Variants in TSHZ2 observed in about 807,000 individuals in gnomAD.
TSHZ2 encodes the protein teashirt zinc finger homeobox 2.
Under a neutral mutation model 74.4 loss-of-function variants are expected in TSHZ2, and 21 were observed. The ratio of observed to expected loss-of-function variants is 0.28; its 90% confidence interval spans 0.20 to 0.41. The LOEUF is 0.41. Ranked by LOEUF, TSHZ2 falls within the 10% of genes least tolerant of loss-of-function variation. The pLI, the probability that TSHZ2 is intolerant of heterozygous loss-of-function variation, is 1.00. For synonymous variants in TSHZ2, 540 were observed against 515.3 expected, an observed-to-expected ratio of 1.05 and a Z score of -0.65; for missense variants, 1,244 against 1,293.5, an observed-to-expected ratio of 0.96 and a Z score of 0.59.
intron 2 of TSHZ2, among the ~76,000 whole-genome samples, chr20:53,472,513 G>T (rs1255659829): frequency 6.6e-6 from 1 of 152,030 alleles, no homozygotes; most frequent in African/African-American, 2.4e-5. Flanking sequence ...TGAAGTAGTT[G>T]TGAGATCTTC....
chr20:53,046,377 G>T (rs952405998), intron 1 of TSHZ2, among the ~76,000 whole-genome samples: 11 of 152,140 alleles, frequency 7.2e-5, no homozygotes, highest in Non-Finnish European at 1.5e-4. Flanking sequence ...CTCGATGGTG[G>T]CTAGCAAAAG....
At chr20:53,320,155 C>T (rs1424575843) in intron 2 of TSHZ2, among the ~76,000 whole-genome samples, 1 of 152,212 alleles carries the variant, frequency 6.6e-6, no homozygotes, top group African/African-American at 2.4e-5. Flanking sequence ...CAGCAAAGCA[C>T]GTACTGTGTG....
chr20:53,458,137 C>T, intron 2 of TSHZ2, among the ~76,000 whole-genome samples: 1 of 151,178 alleles, frequency 6.6e-6, no homozygotes, highest in Non-Finnish European at 1.5e-5. Flanking sequence ...AGGAATGGTA[C>T]CAGTTCCTCC....
chr20:53,054,760 G>C (rs920754634), intron 1 of TSHZ2, among the ~76,000 whole-genome samples: 2 of 152,104 alleles, frequency 1.3e-5, no homozygotes, highest in African/African-American at 4.8e-5. Flanking sequence ...CCTTATGTTA[G>C]GGTGTTAGAT....
intron 2 of TSHZ2, among the ~76,000 whole-genome samples, chr20:53,452,094 C>A (rs981188797): frequency 1.3e-5 from 2 of 152,210 alleles, no homozygotes; most frequent in African/African-American, 2.4e-5. Context: ...AAGTCAGTAA[C>A]CCCAGATGAC....
chr20:53,121,308 AT>A (rs1487754119), intron 1 of TSHZ2, among the ~76,000 whole-genome samples: 5 of 152,218 alleles, frequency 3.3e-5, no homozygotes, highest in African/African-American at 1.2e-4. Context: ...TAAGGATTAA[AT>A]TTAGGGTTAC....
intron 1 of TSHZ2, among the ~76,000 whole-genome samples, chr20:53,031,252 C>A (rs992126877): frequency 6.6e-6 from 1 of 152,200 alleles, no homozygotes; most frequent in African/African-American, 2.4e-5. Context: ...GGTGCTATCG[C>A]AGCCTGTCAT....
chr20:53,317,075 G>A (rs578024255), intron 2 of TSHZ2, among the ~76,000 whole-genome samples: 1 of 152,294 alleles, frequency 6.6e-6, no homozygotes, highest in East Asian at 1.9e-4. Flanking sequence ...AGAAAGCAGT[G>A]TGGTGTTTAG....
At chr20:53,350,842 C>T (rs894285110) in intron 2 of TSHZ2, among the ~76,000 whole-genome samples, 13 of 152,312 alleles carry the variant, frequency 8.5e-5, no homozygotes, top group African/African-American at 2.6e-4. Flanking sequence ...CTTGAAACTT[C>T]CAGGTTTTCC....
intron 1 of TSHZ2, among the ~76,000 whole-genome samples, chr20:53,124,951 AG>A (rs2123364342): frequency 6.6e-6 from 1 of 152,326 alleles, no homozygotes; most frequent in South Asian, 2.1e-4. Context: ...TGCTGTTGAG[AG>A]GAAGTAGCCA....
At chr20:53,061,313 G>A (rs995421665) in intron 1 of TSHZ2, among the ~76,000 whole-genome samples, 2 of 152,130 alleles carry the variant, frequency 1.3e-5, no homozygotes, top group South Asian at 2.1e-4. Context: ...CAGCACATGC[G>A]TCAGAGAGAG....
chr20:53,338,972 G>A (rs764106376), intron 2 of TSHZ2, among the ~76,000 whole-genome samples: 4 of 152,176 alleles, frequency 2.6e-5, no homozygotes, highest in Admixed American at 1.3e-4. Context: ...AAGCACAGAC[G>A]TGTTGGCCAA....
Position 53,190,086 on chromosome 20 carries a change from A to AATATATAT in TSHZ2, c.41-63368_41-63361dup, listed in dbSNP as rs544193424. ...GGTGACCAAACAAGACCCTGTCTCA[A>AATATATAT]ATATATATATATATATATATATATA... On this transcript the variant is annotated intron_variant, in intron 1 of 2. Transcript: ENST00000371497. Among the ~76,000 whole-genome samples, 227 of 24,982 alleles carry AATATATAT rather than the reference A, an allele frequency of 9.1e-3. 3 individuals carry two copies. The highest frequency in any genetic ancestry group is 0.013 in the Non-Finnish European group (125 of 9,630). 16.4% of individuals were successfully genotyped at this position (24,982 alleles called of 152,430 possible).
intron 2 of TSHZ2, chr20:53,398,892 T>C (rs866053655): frequency 6.6e-6 from 1 of 152,242 alleles, no homozygotes; most frequent in African/African-American, 2.4e-5. Flanking sequence ...ATGCAATGCA[T>C]ACACTGAGCA....
intron 2 of TSHZ2, among the ~76,000 whole-genome samples, chr20:53,277,751 C>A (rs562836351): frequency 6.6e-6 from 1 of 152,182 alleles, no homozygotes; most frequent in African/African-American, 2.4e-5. Flanking sequence ...AAGCACATAC[C>A]CTTAAAGCAA....
chr20:53,320,605 C>T (rs985986366), intron 2 of TSHZ2, among the ~76,000 whole-genome samples: 1 of 152,218 alleles, frequency 6.6e-6, no homozygotes, highest in Non-Finnish European at 1.5e-5. Flanking sequence ...GTAGAAGGCT[C>T]AGAGCCCACG....
intron 2 of TSHZ2, among the ~76,000 whole-genome samples, chr20:53,354,835 A>G (rs571511442): frequency 5.3e-5 from 8 of 152,324 alleles, no homozygotes; most frequent in Admixed American, 2.0e-4. Context: ...TTCCCCTTGT[A>G]TGCAACCATC....
intron 1 of TSHZ2, among the ~76,000 whole-genome samples, chr20:53,123,542 A>G (rs555178976): frequency 2.0e-5 from 3 of 152,202 alleles, no homozygotes; most frequent in Non-Finnish European, 4.4e-5. Context: ...TTCTTCTTAC[A>G]TCAATGGCTG....
Position 53,438,987 on chromosome 20 carries a change from C to T in TSHZ2, c.*9-48157C>T, listed in dbSNP as rs141472717. On this transcript the variant is annotated intron_variant, in intron 2 of 2. Transcript: ENST00000371497. ...AAAAAAAAAGAAAAATTAGGGCTGT[C>T]GCCTGAAGGAAACAACAATTATTTA... Among the ~76,000 whole-genome samples the T allele has an allele frequency of 3.9e-3, 592 of 152,190 alleles. 2 individuals carry two copies. The highest frequency in any genetic ancestry group is 6.3e-3 in the Non-Finnish European group (426 of 67,998).
Sources: gnomAD v4.1 joint callset for allele counts (sites outside exome capture counted in the v4.1 genomes callset) on GRCh38, gnomAD v4.1.1 for gene constraint, MANE v1.5 for transcripts, NCBI Gene and HGNC (gene_info 2026-07-23, HGNC 2026-07-21) for gene names.